SORCS1: variants seen among roughly 807,000 people sequenced by gnomAD.
SORCS1 encodes sortilin related VPS10 domain containing receptor 1.
In SORCS1, 60 loss-of-function variants were observed where a neutral mutation model predicts 146.1. That is an observed-to-expected ratio of 0.41 (90% confidence interval 0.33 to 0.51). SORCS1 has a LOEUF of 0.51. SORCS1 is among the 20% of genes least tolerant of loss of function. The probability of loss-of-function intolerance (pLI) is 0.21; values close to 1 mark genes in which losing one functional copy is unlikely to be tolerated. For missense variants in SORCS1, 1,352 were observed against 1,487.6 expected (o/e 0.91, Z 1.50); for synonymous variants, 637 against 584.0 (o/e 1.09, Z -1.31).
In SORCS1 at chr10:106,956,384, G is replaced by C. The variant is rs544795521; in HGVS notation, c.626+129C>G. 1.0e-5 allele frequency: 8 copies of C among 764,086 alleles called. No individual in the cohort carries two copies. The African/African-American group carries it at 1.4e-4, about 13-fold the overall frequency. The allele number at this position is 764,086 out of a possible 1,614,324, so 47.3% of individuals were successfully genotyped here. On this transcript the variant is annotated intron_variant, in intron 2 of 25. Transcript: ENST00000263054. ...CCAGCGCATCACTAAAGGAAACAGA[G>C]AAGAAAGAGAGAAAGCAAGCAGTGC...
At chr10:106,666,305 A>G (rs1851135704) in intron 17 of SORCS1, among the ~76,000 whole-genome samples, 1 of 152,204 alleles carries the variant, frequency 6.6e-6, no homozygotes, top group Admixed American at 6.5e-5. Flanking sequence ...GATGGCATTC[A>G]TATTGGAACA....
chr10:106,771,336 G>A (rs929981458), intron 4 of SORCS1, among the ~76,000 whole-genome samples: 14 of 152,140 alleles, frequency 9.2e-5, no homozygotes, highest in Non-Finnish European at 1.8e-4. Context: ...GATGCCGTTG[G>A]AGGCAATGTT....
At chr10:106,620,936 T>C (rs1847703899) in intron 19 of SORCS1, among the ~76,000 whole-genome samples, 1 of 152,220 alleles carries the variant, frequency 6.6e-6, no homozygotes, top group African/African-American at 2.4e-5. Context: ...GAAGACCTCA[T>C]AGAATCCATA....
At chr10:106,890,812 ATT>A (rs10710411) in intron 2 of SORCS1, among the ~76,000 whole-genome samples, 6,648 of 149,096 alleles carry the variant, frequency 0.045, 444 homozygotes, top group African/African-American at 0.14. Context: ...ATATACATAC[ATT>A]TTTTTTTTTT....
At chr10:107,017,932 C>G (rs1348770628) in intron 1 of SORCS1, among the ~76,000 whole-genome samples, 1 of 152,154 alleles carries the variant, frequency 6.6e-6, no homozygotes, top group Non-Finnish European at 1.5e-5. Flanking sequence ...TCCCAAAGTG[C>G]TGGGATTACA....
Position 106,829,690 on chromosome 10 carries a change from G to C in SORCS1, c.627-17C>G. On this transcript the variant is annotated splice_polypyrimidine_tract_variant and intron_variant, in intron 2 of 25. Transcript: ENST00000263054. ...TCGGTTGACCTATAATCCAAAAAGAGCATTAATGAGGACAGAAGTATATGT... is the reference window on the plus strand; with the variant it reads ...TCGGTTGACCTATAATCCAAAAAGACCATTAATGAGGACAGAAGTATATGT... 6.3e-7 allele frequency: 1 copy of C among 1,580,200 alleles called. No homozygotes were observed. The highest frequency in any genetic ancestry group is 8.7e-7 in the Non-Finnish European group (1 of 1,151,146).
In SORCS1 at chr10:107,164,094, G is replaced by T. The variant is rs1590284251; in HGVS notation, c.433C>A (p.Arg145=). Residue 145 remains arginine (R), a synonymous_variant, in exon 1 of 26, where the codon CGG becomes AGG. Coordinates refer to ENST00000263054, the MANE Select transcript of SORCS1 (RefSeq NM_052918.5). This position sits in a 1 kb window ranked among gnomAD's most constrained non-coding sequence, Gnocchi z 6.8. ...GGQQEPGTRE[R]DPDKATRFRM... ...AAGCGGGTGGCTTTGTCCGGGTCCC[G>T]CTCCCGAGTCCCAGGCTCCTGCTGC... The T allele has an allele frequency of 6.2e-7, 1 of 1,613,350 alleles. No homozygotes were observed. Among genetic ancestry groups the T allele is most frequent in the Admixed American group, 1.7e-5 (1 of 60,002 alleles).
chr10:106,987,213 T>G (rs2139420942), intron 1 of SORCS1, among the ~76,000 whole-genome samples: 1 of 152,334 alleles, frequency 6.6e-6, no homozygotes, highest in South Asian at 2.1e-4. Flanking sequence ...TTCTGGAAAA[T>G]TCCTTTATTC....
chr10:106,613,566 C>T (rs1284512133), intron 21 of SORCS1, among the ~76,000 whole-genome samples: 1 of 152,122 alleles, frequency 6.6e-6, no homozygotes, highest in African/African-American at 2.4e-5. Flanking sequence ...AGCTTCAGAG[C>T]ACAGCACTGG....
At chr10:106,613,756 C>T (rs1847169901) in intron 21 of SORCS1, among the ~76,000 whole-genome samples, 1 of 152,200 alleles carries the variant, frequency 6.6e-6, no homozygotes, top group African/African-American at 2.4e-5. Flanking sequence ...TTACCACAGC[C>T]TTCCTGGCCC....
chr10:106,679,168 C>T lies in SORCS1; in HGVS notation c.1740+88G>A, dbSNP rs575142430. The T allele has an allele frequency of 3.5e-5, 31 of 879,630 alleles. No homozygotes were observed. In the Admixed American group the frequency reaches 3.5e-4, roughly 10 times the overall value. 54.5% of individuals were successfully genotyped at this position (879,630 alleles called of 1,614,324 possible). A position where few individuals can be genotyped will look rare whatever the true frequency, so the allele number is the denominator to read the frequency against. The stretch of plus-strand genomic sequence containing the variant: ...AGTCATTAGGATTTATGTGTAGCAC[C>T]GCTGAAAAAAGTTCCCAGATTTGAA... On this transcript the variant is annotated intron_variant, in intron 12 of 25. Coordinates refer to ENST00000263054, the MANE Select transcript of SORCS1 (RefSeq NM_052918.5).
chr10:106,940,897 T>TA (rs967149017), intron 2 of SORCS1, among the ~76,000 whole-genome samples: 5 of 151,654 alleles, frequency 3.3e-5, no homozygotes, highest in Admixed American at 1.3e-4. Context: ...AAAATAATAA[T>TA]AAAAAAAATT....
At chr10:106,944,384 C>T (rs1954204115) in intron 2 of SORCS1, among the ~76,000 whole-genome samples, 1 of 152,168 alleles carries the variant, frequency 6.6e-6, no homozygotes, top group African/African-American at 2.4e-5. Flanking sequence ...ATGGGATGTA[C>T]TCACTAAATA....
intron 1 of SORCS1, among the ~76,000 whole-genome samples, chr10:107,133,059 C>T (rs1307321249): frequency 3.3e-5 from 5 of 152,062 alleles, no homozygotes; most frequent in South Asian, 4.1e-4. Flanking sequence ...GGAGAAAAGA[C>T]GTACAAATTT....
intron 1 of SORCS1, among the ~76,000 whole-genome samples, chr10:107,102,347 G>T (rs1007731616): frequency 2.6e-5 from 4 of 152,244 alleles, no homozygotes; most frequent in Non-Finnish European, 4.4e-5. Flanking sequence ...TCCTGAAGCT[G>T]GATTTGAGAC....
At chr10:107,138,765 G>A (rs7082424) in intron 1 of SORCS1, among the ~76,000 whole-genome samples, 32,056 of 151,962 alleles carry the variant, frequency 0.21, 4,021 homozygotes, top group African/African-American at 0.35. Context: ...ATATTTTGAG[G>A]AAAAAAATGT....
chr10:106,926,572 C>T (rs1953030870), intron 2 of SORCS1, among the ~76,000 whole-genome samples: 1 of 152,068 alleles, frequency 6.6e-6, no homozygotes, highest in South Asian at 2.1e-4. Context: ...GCTCATAAAA[C>T]TGCCATTTTT....
intron 2 of SORCS1, among the ~76,000 whole-genome samples, chr10:106,855,593 T>C (rs569811617): frequency 5.3e-5 from 8 of 152,318 alleles, no homozygotes; most frequent in Middle Eastern, 3.4e-3. Context: ...TTTTTAAGTT[T>C]TGGAAGTTTC....
In SORCS1 at chr10:107,080,995, TA is replaced by T. The variant is rs1466901964; in HGVS notation, c.558+82973del. Among the ~76,000 whole-genome samples, 9 of 151,870 alleles carry T rather than the reference TA, an allele frequency of 5.9e-5. No homozygotes were observed. The East Asian group carries it at 1.5e-3, about 26-fold the overall frequency. The stretch of plus-strand genomic sequence containing the variant: ...ATCATAACATTTAGTCACACAACCA[TA>T]AAAAAAAGATATCATTGCTATTCCC... On this transcript the variant is annotated intron_variant, in intron 1 of 25. Transcript: ENST00000263054.
Sources: allele counts gnomAD v4.1 joint callset (sites outside exome capture counted in the v4.1 genomes callset), GRCh38; gene constraint gnomAD v4.1.1; non-coding constraint Gnocchi (gnomAD v3.1); transcripts MANE v1.5; gene names NCBI Gene and HGNC (gene_info 2026-07-23, HGNC 2026-07-21).